Variants in VPS53 observed in about 807,000 individuals in gnomAD.
VPS53 encodes vacuolar protein sorting-associated protein 53 homolog.
VPS53 carries 70 observed loss-of-function variants against 107.0 expected under a neutral mutation model. The ratio of observed to expected loss-of-function variants is 0.65; its 90% CI spans 0.54 to 0.80. VPS53 has a LOEUF of 0.80. VPS53 is among the 30% of genes least tolerant of loss of function. The pLI is 0.00. For synonymous variants in VPS53, 409 were observed against 393.3 expected (o/e 1.04, Z -0.47); for missense variants, 917 against 1,049.4 (o/e 0.87, Z 1.74).
At chr17:532,673 A>G in intron 19 of VPS53, 169 bp downstream of exon 19, 1 of 1,406,924 alleles carries the variant, frequency 7.1e-7, no homozygotes, top group South Asian at 1.7e-5. Flanking sequence ...AATTTTTAAA[A>G]ATAAATGGAA....
At chr17:622,732 T>A (rs1278337740) in intron 11 of VPS53, among the ~76,000 whole-genome samples, 1 of 152,094 alleles carries the variant, frequency 6.6e-6, no homozygotes, top group Non-Finnish European at 1.5e-5. Flanking sequence ...TTCTTTTCTT[T>A]TTTTTTAGAG....
At chr17:533,260 C>T (rs982757682) in intron 18 of VPS53, among the ~76,000 whole-genome samples, 1 of 152,192 alleles carries the variant, frequency 6.6e-6, no homozygotes, top group African/African-American at 2.4e-5. Flanking sequence ...GGGCTACAGG[C>T]ACCGCACCTG....
intron 19 of VPS53, among the ~76,000 whole-genome samples, chr17:525,703 GA>G (rs1223529433): frequency 1.4e-5 from 2 of 142,784 alleles, no homozygotes; most frequent in African/African-American, 2.6e-5. Context: ...CTTAAGAAAA[GA>G]AAAAAAAAAT....
intron 2 of VPS53, among the ~76,000 whole-genome samples, chr17:701,276 T>C (rs1232002157): frequency 1.3e-5 from 2 of 151,746 alleles, no homozygotes; most frequent in Admixed American, 6.6e-5. Context: ...CAGTAAGTCA[T>C]GTTTGCACCA....
At chr17:678,841 G>T (rs992734088) in intron 4 of VPS53, among the ~76,000 whole-genome samples, 1 of 151,822 alleles carries the variant, frequency 6.6e-6, no homozygotes, top group South Asian at 2.1e-4. Flanking sequence ...GGGTTTCACC[G>T]TGTTAGCCAG....
chr17:629,975 C>G (rs888007241), intron 8 of VPS53, among the ~76,000 whole-genome samples: 3 of 151,930 alleles, frequency 2.0e-5, no homozygotes, highest in African/African-American at 7.3e-5. Context: ...TGGGCTTCAT[C>G]CACATCTTCC....
chr17:713,631 G>C (rs1011062289), intron 1 of VPS53, among the ~76,000 whole-genome samples: 1 of 151,416 alleles, frequency 6.6e-6, no homozygotes, highest in Non-Finnish European at 1.5e-5. Flanking sequence ...CAACCTGGGC[G>C]AAAGAGCGAG....
At chr17:593,600 C>T (rs1967795127) in intron 12 of VPS53, among the ~76,000 whole-genome samples, 2 of 152,144 alleles carry the variant, frequency 1.3e-5, no homozygotes, top group South Asian at 4.1e-4. Context: ...AAATCAAAAC[C>T]ACGATGAGAT....
Position 630,347 on chromosome 17 carries a change from C to A in VPS53, c.687+1203G>T, listed in dbSNP as rs77169718. Among the ~76,000 whole-genome samples, 1,503 of 151,782 alleles carry A rather than the reference C, an allele frequency of 9.9e-3. 25 individuals are homozygous for A. Among genetic ancestry groups the A allele is most frequent in the African/African-American group, 0.034 (1,406 of 41,366 alleles). ...AACCTGAAACGGGCAGCTGAGTACA[C>A]GTGAGGCTAACCTTGTCCTAAGAAG... On this transcript the variant is annotated intron_variant, in intron 8 of 21. Transcript: ENST00000437048.
At chr17:556,873 C>CTA (rs1399440675) in intron 15 of VPS53, among the ~76,000 whole-genome samples, 1 of 151,494 alleles carries the variant, frequency 6.6e-6, no homozygotes, top group Non-Finnish European at 1.5e-5. Context: ...AATAAGGGAG[C>CTA]TACCTACTGA....
In VPS53 at chr17:519,577, C is replaced by CCCCCTG. The variant is rs1018017037; in HGVS notation, c.2328+243_2328+248dup. Among the ~76,000 whole-genome samples, 17 of 152,186 alleles carry CCCCCTG rather than the reference C, an allele frequency of 1.1e-4. No individual in the cohort carries two copies. Among genetic ancestry groups the CCCCCTG allele is most frequent in the African/African-American group, 3.1e-4 (13 of 41,428 alleles). On this transcript the variant is annotated intron_variant, in intron 21 of 21. Coordinates refer to ENST00000437048, the MANE Select transcript of VPS53 (RefSeq NM_001128159.3). The surrounding 1 kb of genome is among the most constrained non-coding windows in gnomAD (Gnocchi z 5.0). ...GGAAGGACAACATGCCTGTCCTCAT[C>CCCCCTG]CCCCTGCCCCTGCCCCATCCTCCCT...
rs1045728062 is a variant in VPS53, at chr17:516,683, G to A, written c.*2445C>T. Reference sequence around the variant, plus strand: ...GGCCGGCATCTGTAGATTTTAAAAGGCCCCAGTGGTTCTGATGCACACCCC... The same window carrying A: ...GGCCGGCATCTGTAGATTTTAAAAGACCCCAGTGGTTCTGATGCACACCCC... On this transcript the variant is annotated 3_prime_UTR_variant, in exon 22 of 22. Transcript: ENST00000437048. 6 of 152,206 alleles carry A rather than the reference G, an allele frequency of 3.9e-5. No individual in the cohort carries two copies. The highest frequency in any genetic ancestry group is 1.4e-4 in the African/African-American group (6 of 41,410). 9.4% of individuals were successfully genotyped at this position (152,206 alleles called of 1,614,324 possible). A position where few individuals can be genotyped will look rare whatever the true frequency, so the allele number is the denominator to read the frequency against.
At chr17:681,698 T>C (rs1267999501) in intron 4 of VPS53, among the ~76,000 whole-genome samples, 1 of 152,166 alleles carries the variant, frequency 6.6e-6, no homozygotes, top group Non-Finnish European at 1.5e-5. Context: ...AACTGGGTAA[T>C]TTCTAAACAA....
intron 7 of VPS53, 178 bp downstream of exon 7, chr17:653,113 G>A (rs148333396): frequency 8.1e-6 from 8 of 985,110 alleles, no homozygotes; most frequent in African/African-American, 7.0e-5. Context: ...TTTACCTTTC[G>A]GAAAGCTGCC....
intron 17 of VPS53, among the ~76,000 whole-genome samples, chr17:543,403 AAATTT>A (rs1395310756): frequency 5.3e-5 from 8 of 152,212 alleles, no homozygotes; most frequent in East Asian, 1.9e-4. Flanking sequence ...GACGGTAAGA[AAATTT>A]AATTTATTCA....
At chr17:533,858 G>A (rs1380678234) in intron 18 of VPS53, among the ~76,000 whole-genome samples, 1 of 130,404 alleles carries the variant, frequency 7.7e-6, no homozygotes, top group South Asian at 2.5e-4. Context: ...TTTTTTTTTT[G>A]AGACAGAGTC....
At chr17:609,436 T>C (rs1006522374) in intron 11 of VPS53, among the ~76,000 whole-genome samples, 10 of 152,222 alleles carry the variant, frequency 6.6e-5, no homozygotes, top group African/African-American at 2.2e-4. Context: ...ATAGTGTTGC[T>C]ATGAACATTT....
intron 19 of VPS53, among the ~76,000 whole-genome samples, chr17:529,402 A>T (rs1360365582): frequency 6.6e-6 from 1 of 150,734 alleles, no homozygotes; most frequent in Non-Finnish European, 1.5e-5. Flanking sequence ...ACACACTCAC[A>T]CACACACACA....
chr17:606,761 C>T (rs1249265441), intron 11 of VPS53, among the ~76,000 whole-genome samples: 1 of 152,164 alleles, frequency 6.6e-6, no homozygotes, highest in African/African-American at 2.4e-5. Context: ...GTGAGCTGCT[C>T]ATATGAGAGG....
Sources: allele counts gnomAD v4.1 joint callset (sites outside exome capture counted in the v4.1 genomes callset), GRCh38; gene constraint gnomAD v4.1.1; non-coding constraint Gnocchi (gnomAD v3.1); transcripts MANE v1.5; gene names NCBI Gene and HGNC (gene_info 2026-07-23, HGNC 2026-07-21).